Variants in KHDC4 observed in about 807,000 individuals in gnomAD.
KHDC4 encodes KH homology domain-containing protein 4.
KHDC4 carries 19 observed loss-of-function variants against 74.5 expected under a neutral mutation model. The observed-to-expected ratio is 0.26, with a 90% CI of 0.18 to 0.37. KHDC4 has a LOEUF of 0.37. Among genes scored for constraint, KHDC4 ranks in the 10% least tolerant of loss-of-function variants. KHDC4 has a pLI of 1.00. For missense variants in KHDC4, 632 were observed against 754.1 expected (o/e 0.84, Z 1.90); for synonymous variants, 253 against 266.1 (o/e 0.95, Z 0.48).
chr1:155,923,894 T>C (rs1166339295), intron 7 of KHDC4, among the ~76,000 whole-genome samples: 1 of 152,228 alleles, frequency 6.6e-6, no homozygotes. Flanking sequence ...ATTTTATTAG[T>C]CTTTCTCTGA....
Position 155,921,556 on chromosome 1 carries a change from G to A in KHDC4, c.1085C>T (p.Ser362Phe). The stretch of plus-strand genomic sequence containing the variant: ...AGGAGGGGGAACAACAGGGTAACCA[G>A]ACTGATAGCCATTGGATGGATAATA... ...PPYYPSNGYQSGYPVVPPPQQ... is the reference protein window; with the variant it reads ...PPYYPSNGYQFGYPVVPPPQQ... Residue 362 changes from serine (S) to phenylalanine (F), a missense_variant, in exon 10 of 14, where the codon TCT becomes TTT. Ser to Phe is a radical substitution (Grantham distance 155). Coordinates refer to ENST00000368321, the MANE Select transcript of KHDC4 (RefSeq NM_014949.4). The A allele has an allele frequency of 6.2e-7, 1 of 1,614,110 alleles. No individual in the cohort carries two copies.
intron 11 of KHDC4, among the ~76,000 whole-genome samples, chr1:155,917,266 T>A (rs1483268481): frequency 6.6e-6 from 1 of 152,104 alleles, no homozygotes; most frequent in East Asian, 1.9e-4. Context: ...AGCCAAGGTT[T>A]TAAATACAAA....
chr1:155,926,947 T>C (rs1557970220), intron 5 of KHDC4, 108 bp from the exon 6 acceptor site: 2 of 1,374,550 alleles, frequency 1.5e-6, no homozygotes, highest in South Asian at 1.2e-5. Flanking sequence ...TACCCAAATA[T>C]GTGGCTCTCC....
At chr1:155,925,233 T>C (rs1017901314) in intron 7 of KHDC4, among the ~76,000 whole-genome samples, 6 of 151,382 alleles carry the variant, frequency 4.0e-5, no homozygotes, top group Admixed American at 2.6e-4. Context: ...GGGTTTCACC[T>C]TGTTAGCCAG....
intron 13 of KHDC4, chr1:155,915,525 T>G: frequency 1.8e-5 from 5 of 284,418 alleles, no homozygotes; most frequent in Non-Finnish European, 1.9e-5. Flanking sequence ...TATTTATTTA[T>G]GAGATGGAGT....
At chr1:155,919,602 A>C (rs1030987654) in intron 10 of KHDC4, among the ~76,000 whole-genome samples, 8 of 151,948 alleles carry the variant, frequency 5.3e-5, no homozygotes, top group Non-Finnish European at 1.2e-4. Context: ...CGAGGTTAGG[A>C]GATCAAGACC....
intron 1 of KHDC4, 37 bp downstream of exon 1, chr1:155,934,299 A>ATG (rs1482294695): frequency 4.3e-5 from 69 of 1,602,778 alleles, no homozygotes; most frequent in Non-Finnish European, 5.3e-5. Context: ...CCTGCGCCCC[A>ATG]GTGCTCGCTC....
chr1:155,926,187 T>C, intron 6 of KHDC4: 1 of 443,608 alleles, frequency 2.3e-6, no homozygotes, highest in Non-Finnish European at 4.4e-6. Flanking sequence ...TATATCAATA[T>C]GAAGAAATGT....
In KHDC4 at chr1:155,913,603, C is replaced by T. The variant is rs1293155792; in HGVS notation, c.*518G>A. ...ACAGTTTTAAATGAGACAGCATTTT[C>T]CAAAACAGAAATAATCCAAAACAAA... is the stretch of plus-strand genomic sequence containing the variant. On this transcript the variant is annotated 3_prime_UTR_variant, in exon 14 of 14. Coordinates refer to ENST00000368321, the MANE Select transcript of KHDC4 (RefSeq NM_014949.4). 6.5e-6 allele frequency: 1 copy of T among 153,018 alleles called. No homozygotes were observed. Among genetic ancestry groups the T allele is most frequent in the Non-Finnish European group, 1.5e-5 (1 of 68,582 alleles). 9.5% of individuals were successfully genotyped at this position (153,018 alleles called of 1,614,324 possible).
Position 155,926,834 on chromosome 1 carries a change from C to G in KHDC4, c.523G>C (p.Val175Leu). 1 of 1,614,158 alleles carries G rather than the reference C, an allele frequency of 6.2e-7. No individual in the cohort carries two copies. The highest frequency in any genetic ancestry group is 8.5e-7 in the Non-Finnish European group (1 of 1,180,028). ...GQTRELVDRA[V>L]NRIKEIITNG... ...GTGATAATTTCTTTGATCCGGTTTA[C>G]AGCTCCTTAGAAAAACACAGACAGT... Residue 175 changes from valine to leucine, a missense_variant, in exon 6 of 14, where the codon GTA becomes CTA. Around this residue, in one of 4 missense-constraint regions of KHDC4, gnomAD observed 233 missense variants for 342.6 expected, o/e 0.68. Transcript: ENST00000368321.
intron 3 of KHDC4, 56 bp downstream of exon 3, chr1:155,929,656 C>A: frequency 1.9e-6 from 3 of 1,571,596 alleles, no homozygotes; most frequent in Non-Finnish European, 2.6e-6. Context: ...ATTTAGAGGT[C>A]TTCTTTATCT....
At chr1:155,921,735 C>A in intron 9 of KHDC4, 107 bp from the exon 10 acceptor site, 1 of 1,461,970 alleles carries the variant, frequency 6.8e-7, no homozygotes, top group Admixed American at 1.9e-5. Context: ...GCATGAATGG[C>A]TTTCCAAATT....
At position 155,921,231 on chromosome 1, in the gene KHDC4, G is replaced by A. The variant is rs1301788567; in HGVS notation, c.1266+144C>T. On this transcript the variant is annotated intron_variant, in intron 10 of 13. Transcript: ENST00000368321. ...ATACACACTAATCCAAAATATTCAG[G>A]TAGGTTGGTGGTAGGAACACAGAAG... 2.2e-5 allele frequency: 19 copies of A among 880,294 alleles called. No individual in the cohort carries two copies. The South Asian group carries it at 2.5e-4, about 11-fold the overall frequency. The allele number at this position is 880,294 out of a possible 1,614,324, so 54.5% of individuals were successfully genotyped here. A position where few individuals can be genotyped will look rare whatever the true frequency, so the allele number is the denominator to read the frequency against.
chr1:155,932,937 A>AAAAT (rs144699072), intron 2 of KHDC4, among the ~76,000 whole-genome samples: 14 of 152,252 alleles, frequency 9.2e-5, no homozygotes, highest in Admixed American at 3.9e-4. Flanking sequence ...AGACTCTATC[A>AAAAT]AAATAAATAA....
chr1:155,915,866 C>A lies in KHDC4; in HGVS notation c.1645+7G>T, dbSNP rs1673720531. On this transcript the variant is annotated splice_region_variant and intron_variant, in intron 13 of 13. Transcript: ENST00000368321. ...CTCCCCTGTTCCCCCAGCTATATCA[C>A]ACTCACCATGGCTCCCTGTTAAGGT... 1 of 1,562,362 alleles carries A rather than the reference C, an allele frequency of 6.4e-7. No homozygotes were observed. The highest frequency in any genetic ancestry group is 2.3e-5 in the East Asian group (1 of 43,398).
In KHDC4 at chr1:155,925,169, G is replaced by A. The variant is rs375567823; in HGVS notation, c.893+463C>T. On this transcript the variant is annotated intron_variant, in intron 7 of 13. Transcript: ENST00000368321. ...AGCCTCCTGAGTAGCTGGGACTACA[G>A]GCGCCTGCCACCACACCCGGCTAAT... is the stretch of plus-strand genomic sequence containing the variant. Among the ~76,000 whole-genome samples, 3 of 151,954 alleles carry A rather than the reference G, an allele frequency of 2.0e-5. No individual in the cohort carries two copies. The South Asian group carries it at 6.2e-4, about 32-fold the overall frequency.
intron 10 of KHDC4, among the ~76,000 whole-genome samples, chr1:155,920,304 G>C (rs1431066854): frequency 6.6e-6 from 1 of 151,966 alleles, no homozygotes. Flanking sequence ...CAGGCGTGGT[G>C]GTGGGTGCCT....
rs192112679 is a variant in KHDC4, at chr1:155,924,174, G to A, written c.894-487C>T. Among the ~76,000 whole-genome samples, 60 of 152,068 alleles carry A rather than the reference G, an allele frequency of 3.9e-4. 2 individuals are homozygous for A. In the East Asian group the frequency reaches 6.3e-3, roughly 16 times the overall value. Reference sequence around the variant, plus strand: ...CTACTAAAAATACAAAAAATTAGCCGGGCATGTTGGCGGGTGCCTATAGTC... The same window carrying A: ...CTACTAAAAATACAAAAAATTAGCCAGGCATGTTGGCGGGTGCCTATAGTC... On this transcript the variant is annotated intron_variant, in intron 7 of 13. Transcript: ENST00000368321.
chr1:155,931,771 T>C (rs910220485), intron 2 of KHDC4, among the ~76,000 whole-genome samples: 8 of 152,230 alleles, frequency 5.3e-5, no homozygotes, highest in African/African-American at 1.9e-4. Flanking sequence ...GTTGTTTACT[T>C]TGTGCATTAA....
Sources: allele counts gnomAD v4.1 joint callset (sites outside exome capture counted in the v4.1 genomes callset), GRCh38; gene constraint gnomAD v4.1.1; regional missense constraint gnomAD v4.1.1; transcripts MANE v1.5; gene names NCBI Gene and HGNC (gene_info 2026-07-23, HGNC 2026-07-21).